Variants in TRPM3 observed in about 807,000 individuals in gnomAD.
The protein encoded by TRPM3 is long transient receptor potential channel 3.
TRPM3 carries 77 observed loss-of-function variants against 181.2 expected under a neutral mutation model. The ratio of observed to expected loss-of-function variants is 0.42; its 90% CI spans 0.35 to 0.51. The LOEUF is 0.51. Among genes scored for constraint, TRPM3 ranks in the 20% least tolerant of loss-of-function variants. TRPM3 has a pLI of 0.01. For missense variants in TRPM3, 1,759 were observed against 2,196.7 expected, an observed-to-expected ratio of 0.80 and a Z score of 3.98; for synonymous variants, 745 against 796.4, an observed-to-expected ratio of 0.94 and a Z score of 1.09.
chr9:70,948,115 C>T (rs550943042), intron 1 of TRPM3, among the ~76,000 whole-genome samples: 13 of 126,044 alleles, frequency 1.0e-4, no homozygotes, highest in African/African-American at 4.1e-4. Flanking sequence ...ATTGAAAAGC[C>T]AATTTTTTTT....
intron 1 of TRPM3, among the ~76,000 whole-genome samples, chr9:71,413,314 G>A (rs534407478): frequency 6.6e-6 from 1 of 152,074 alleles, no homozygotes; most frequent in Admixed American, 6.6e-5. Context: ...AGTCCTAAGT[G>A]CTTTATATAC....
chr9:70,871,312 C>T (rs1391826385), intron 1 of TRPM3, among the ~76,000 whole-genome samples: 1 of 151,948 alleles, frequency 6.6e-6, no homozygotes, highest in Non-Finnish European at 1.5e-5. Flanking sequence ...TCACTAGATA[C>T]TACTCCAACC....
chr9:71,425,497 C>T (rs559078310), intron 1 of TRPM3, among the ~76,000 whole-genome samples: 11 of 152,202 alleles, frequency 7.2e-5, no homozygotes, highest in African/African-American at 2.4e-4. Flanking sequence ...GCATATTAAT[C>T]GCAAATTCAA....
At chr9:71,203,607 C>G (rs922880004) in intron 1 of TRPM3, among the ~76,000 whole-genome samples, 1 of 152,048 alleles carries the variant, frequency 6.6e-6, no homozygotes, top group African/African-American at 2.4e-5. Flanking sequence ...GGCTGTGTGA[C>G]CTTAGGCATG....
At chr9:71,434,286 A>T (rs376271083) in intron 1 of TRPM3, among the ~76,000 whole-genome samples, 2 of 152,186 alleles carry the variant, frequency 1.3e-5, no homozygotes, top group South Asian at 4.1e-4. Context: ...TTGGGAGATG[A>T]CAAGGTCATG....
chr9:70,620,047 G>A (rs1352867466), intron 16 of TRPM3, 29 bp downstream of exon 16: 1 of 1,582,640 alleles, frequency 6.3e-7, no homozygotes, highest in Admixed American at 1.7e-5. Flanking sequence ...CTCTCCCCCT[G>A]ACCAGCCCAT....
At chr9:70,784,397 T>C in intron 6 of TRPM3, 118 bp from the exon 7 acceptor site, 1 of 1,125,786 alleles carries the variant, frequency 8.9e-7, no homozygotes, top group Non-Finnish European at 1.2e-6. Flanking sequence ...ACGGGGGAGG[T>C]AGCAACATAT....
chr9:71,228,816 G>C (rs1032188019), intron 1 of TRPM3, among the ~76,000 whole-genome samples: 6 of 152,056 alleles, frequency 3.9e-5, no homozygotes. Context: ...AGAAATTGAA[G>C]AAGATACAAA....
chr9:70,817,358 G>C (rs1041775339), intron 6 of TRPM3, among the ~76,000 whole-genome samples: 2 of 152,150 alleles, frequency 1.3e-5, no homozygotes, highest in African/African-American at 4.8e-5. Flanking sequence ...GGCTCTCATG[G>C]ACCATGCAAA....
At chr9:70,608,983 C>CAACA (rs1489104969) in intron 19 of TRPM3, among the ~76,000 whole-genome samples, 2 of 152,284 alleles carry the variant, frequency 1.3e-5, no homozygotes, top group Admixed American at 1.3e-4. Context: ...TGTATGAACA[C>CAACA]AACACTGATT....
intron 8 of TRPM3, among the ~76,000 whole-genome samples, chr9:70,686,602 C>T (rs1336933923): frequency 3.3e-5 from 3 of 91,284 alleles, no homozygotes; most frequent in East Asian, 4.2e-4. Flanking sequence ...CCCTCCCTCC[C>T]TCCCTCCCGC....
Position 70,652,923 on chromosome 9 carries a change from T to G in TRPM3, c.1346-12263A>C, listed in dbSNP as rs185708709. Among the ~76,000 whole-genome samples, 109 of 152,248 alleles carry G rather than the reference T, an allele frequency of 7.2e-4. 1 individual carries two copies. The highest frequency in any genetic ancestry group is 2.5e-3 in the African/African-American group (103 of 41,542). On this transcript the variant is annotated intron_variant, in intron 9 of 25. Coordinates refer to ENST00000677713, the MANE Select transcript of TRPM3 (RefSeq NM_001366145.2). The stretch of plus-strand genomic sequence containing the variant: ...GAGTGAGTCAAGAATTTAGAGTACC[T>G]CTCAGAGTTTGCTGGTTAAGAGGAG...
chr9:70,790,396 G>A (rs1368072032), intron 6 of TRPM3, among the ~76,000 whole-genome samples: 1 of 152,154 alleles, frequency 6.6e-6, no homozygotes, highest in Non-Finnish European at 1.5e-5. Context: ...GTCTATCAGT[G>A]GTGGCTAGAT....
At chr9:70,739,854 G>A (rs2073643957) in intron 8 of TRPM3, among the ~76,000 whole-genome samples, 1 of 152,106 alleles carries the variant, frequency 6.6e-6, no homozygotes, top group Admixed American at 6.6e-5. Context: ...CTGGCCTCAA[G>A]TGATCTGCCC....
intron 1 of TRPM3, among the ~76,000 whole-genome samples, chr9:71,035,899 T>G (rs896179140): frequency 1.3e-5 from 2 of 150,660 alleles, no homozygotes; most frequent in Non-Finnish European, 2.9e-5. Context: ...TAGAGACAAG[T>G]AGAGGATGTT....
chr9:71,128,166 C>T (rs2074161368), intron 1 of TRPM3, among the ~76,000 whole-genome samples: 1 of 152,128 alleles, frequency 6.6e-6, no homozygotes, highest in Admixed American at 6.5e-5. Context: ...TCTGCAGTCC[C>T]ATGAGTCCTT....
intron 1 of TRPM3, among the ~76,000 whole-genome samples, chr9:70,998,800 T>C (rs1011740430): frequency 1.3e-5 from 2 of 152,328 alleles, no homozygotes; most frequent in East Asian, 1.9e-4. Context: ...ATTTCACTAT[T>C]GTGATCTGGA....
At chr9:70,675,752 C>T (rs564737261) in intron 9 of TRPM3, among the ~76,000 whole-genome samples, 72 of 152,164 alleles carry the variant, frequency 4.7e-4, no homozygotes, top group African/African-American at 1.6e-3. Context: ...ATTACCTTTG[C>T]CTGTCATAGT....
intron 1 of TRPM3, among the ~76,000 whole-genome samples, chr9:71,309,919 A>T (rs2087753179): frequency 6.6e-6 from 1 of 152,114 alleles, no homozygotes; most frequent in African/African-American, 2.4e-5. Context: ...ATTATTCTTC[A>T]TCCCATAAAC....
Sources: gnomAD v4.1 joint callset for allele counts (sites outside exome capture counted in the v4.1 genomes callset) on GRCh38, gnomAD v4.1.1 for gene constraint, MANE v1.5 for transcripts, NCBI Gene and HGNC (gene_info 2026-07-23, HGNC 2026-07-21) for gene names.